The following TET3 variants were observed in gnomAD, a reference collection of about 807,000 sequenced individuals.
The protein encoded by TET3 is methylcytosine dioxygenase TET3.
In TET3, 19 loss-of-function variants were observed where a neutral mutation model predicts 141.4. That is an observed-to-expected ratio of 0.13 (90% confidence interval 0.09 to 0.20). TET3 has a LOEUF of 0.20. Among genes scored for constraint, TET3 ranks in the 10% least tolerant of loss-of-function variants. The probability of loss-of-function intolerance (pLI) is 1.00; values close to 1 mark genes in which losing one functional copy is unlikely to be tolerated. For synonymous variants in TET3, 1,043 were observed against 980.9 expected (o/e 1.06, Z -1.18); for missense variants, 1,874 against 2,356.9 (o/e 0.80, Z 4.24).
Position 74,089,939 on chromosome 2 carries a change from T to C in TET3, c.2931T>C (p.Gly977=). The C allele has an allele frequency of 6.2e-7, 1 of 1,614,066 alleles. No homozygotes were observed. The highest frequency in any genetic ancestry group is 8.5e-7 in the Non-Finnish European group (1 of 1,179,900). The change falls in exon 8 of 12, where the codon GGT becomes GGC. Residue 977 remains glycine, a synonymous_variant. Coordinates refer to ENST00000409262, the MANE Select transcript of TET3 (RefSeq NM_001287491.2). The stretch of plus-strand genomic sequence containing the variant: ...AAGGCAAAGACCCCAACACCTGTGG[T>C]GCCTCCTTCTCCTTTGGTTGTTCCT... The part of the protein sequence containing the change: ...ACQGKDPNTC[G]ASFSFGCSWS...
chr2:74,059,699 A>G (rs1331665719), intron 4 of TET3, among the ~76,000 whole-genome samples: 1 of 152,070 alleles, frequency 6.6e-6, no homozygotes, highest in Non-Finnish European at 1.5e-5. Flanking sequence ...GGCACATGCC[A>G]CTGTGCCTGG....
intron 10 of TET3, among the ~76,000 whole-genome samples, chr2:74,096,042 C>T (rs1467448049): frequency 2.6e-5 from 4 of 152,196 alleles, no homozygotes; most frequent in Admixed American, 2.6e-4. Context: ...TGAATTTCAT[C>T]TTTGCGACTA....
chr2:74,057,361 G>A (rs1460338662), intron 4 of TET3, among the ~76,000 whole-genome samples: 7 of 152,166 alleles, frequency 4.6e-5, no homozygotes, highest in Non-Finnish European at 5.9e-5. Context: ...AAAGGGCTTG[G>A]AGATGAAATT....
chr2:73,989,003 T>G (rs1038054889), intron 2 of TET3, among the ~76,000 whole-genome samples: 4 of 149,366 alleles, frequency 2.7e-5, no homozygotes, highest in Non-Finnish European at 5.9e-5. Flanking sequence ...TTTTTTGTTT[T>G]TTTTTTTTTT....
At chr2:74,112,090 T>C (rs1054585201), downstream of TET3, among the ~76,000 whole-genome samples, 2 of 152,212 alleles carry the variant, frequency 1.3e-5, no homozygotes, top group Non-Finnish European at 2.9e-5. Context: ...ATAATCTTTC[T>C]AAAAACCAAA....
intron 3 of TET3, 32 bp downstream of exon 3, chr2:74,003,198 G>C: frequency 7.1e-7 from 1 of 1,403,676 alleles, no homozygotes; most frequent in Non-Finnish European, 9.8e-7. Context: ...GTGTGTGTGC[G>C]TGTGTGTGGT....
rs775968675 is a variant in TET3 at position 74,046,424 on chromosome 2, G to T, written c.507G>T (p.Gly169=). The part of the protein sequence containing the change: ...AREPAGPSLL[G]TGGPWRVDQK... ...AGCCCGCTGGACCCAGTCTGCTGGGGACTGGGGGTCCTTGGCGGGTAGACC... is the reference window on the plus strand; with the variant it reads ...AGCCCGCTGGACCCAGTCTGCTGGGTACTGGGGGTCCTTGGCGGGTAGACC... Residue 169 remains glycine (G), a synonymous_variant, in exon 4 of 12, where the codon GGG becomes GGT. Transcript: ENST00000409262. This position sits in a 1 kb window ranked among gnomAD's most constrained non-coding sequence, Gnocchi z 4.3. 3.1e-6 allele frequency: 5 copies of T among 1,592,576 alleles called. No homozygotes were observed. The highest frequency in any genetic ancestry group is 4.3e-6 in the Non-Finnish European group (5 of 1,169,132).
In TET3 at chr2:74,104,364, A is replaced by T. The variant is rs1013536892; in HGVS notation, c.*2188A>T. 2.6e-5 allele frequency: 4 copies of T among 152,234 alleles called. No individual in the cohort carries two copies. Among genetic ancestry groups the T allele is most frequent in the Non-Finnish European group, 5.9e-5 (4 of 68,034 alleles). 9.4% of individuals were successfully genotyped at this position (152,234 alleles called of 1,614,324 possible). On this transcript the variant is annotated 3_prime_UTR_variant, in exon 12 of 12. Transcript: ENST00000409262. ...ATTTATAGGAAAACCTCTGACCTTCAGTTTGACAAGCTAAAGGAAGCAGAG... is the reference window on the plus strand; with the variant it reads ...ATTTATAGGAAAACCTCTGACCTTCTGTTTGACAAGCTAAAGGAAGCAGAG...
At chr2:73,999,794 C>T (rs1373655146) in intron 2 of TET3, among the ~76,000 whole-genome samples, 2 of 152,036 alleles carry the variant, frequency 1.3e-5, no homozygotes, top group Non-Finnish European at 2.9e-5. Context: ...AAGAGGGGAG[C>T]GGAGAGCATA....
chr2:74,038,468 C>T (rs941955908), intron 3 of TET3, among the ~76,000 whole-genome samples: 12 of 152,190 alleles, frequency 7.9e-5, no homozygotes, highest in African/African-American at 2.6e-4. Flanking sequence ...GAGGACCCAG[C>T]GAGGGCAGGG....
the TET3 span, chr2:74,122,511 A>ATATATT: frequency 1.7e-4 from 8 of 47,552 alleles, no homozygotes; most frequent in East Asian, 4.5e-3. Flanking sequence ...ATATATATAT[A>ATATATT]TTTTTTTTTT....
intron 4 of TET3, among the ~76,000 whole-genome samples, chr2:74,069,269 C>T (rs1336981680): frequency 6.6e-6 from 1 of 150,890 alleles, no homozygotes; most frequent in Admixed American, 6.6e-5. Context: ...TTATCTTTCC[C>T]TATTGATAGG....
chr2:74,007,937 A>G (rs977203151), intron 3 of TET3, among the ~76,000 whole-genome samples: 2 of 152,200 alleles, frequency 1.3e-5, no homozygotes, highest in African/African-American at 4.8e-5. Context: ...TCTGTGAGCC[A>G]TTCAGTGAGG....
Position 74,102,335 on chromosome 2 carries a change from A to G in TET3, c.*159A>G, listed in dbSNP as rs1691272858. 3.5e-6 allele frequency: 4 copies of G among 1,148,734 alleles called. No individual in the cohort carries two copies. Among genetic ancestry groups the G allele is most frequent in the African/African-American group, 1.6e-5 (1 of 62,694 alleles). The allele number at this position is 1,148,734 out of a possible 1,614,324, so 71.2% of individuals were successfully genotyped here. On this transcript the variant is annotated 3_prime_UTR_variant, in exon 12 of 12. Transcript: ENST00000409262. ...ATCATATATATGTATTTATGGTCCA[A>G]ACCTCAGAACTGACCCGCCCCTCCC...
the TET3 span, among the ~76,000 whole-genome samples, chr2:74,130,318 G>A: frequency 6.6e-6 from 1 of 152,214 alleles, no homozygotes; most frequent in Non-Finnish European, 1.5e-5. Flanking sequence ...CTTACCAGGA[G>A]CTAAGAAATG....
chr2:74,011,227 CAAAAA>C (rs34155044), intron 3 of TET3, among the ~76,000 whole-genome samples: 13 of 94,382 alleles, frequency 1.4e-4, no homozygotes, highest in Non-Finnish European at 1.9e-4. Flanking sequence ...GACTCCGTTT[CAAAAA>C]AAAAAAAAAA....
downstream of TET3, among the ~76,000 whole-genome samples, chr2:74,112,363 T>G (rs1691724542): frequency 6.6e-6 from 1 of 152,182 alleles, no homozygotes; most frequent in African/African-American, 2.4e-5. Context: ...ATTTACTTAT[T>G]TGCTTTTAAA....
chr2:74,077,573 G>T (rs1689578974), intron 5 of TET3, among the ~76,000 whole-genome samples: 1 of 152,230 alleles, frequency 6.6e-6, no homozygotes. Flanking sequence ...GAGCTAAAAT[G>T]AGAGTTGATT....
the TET3 span, chr2:74,120,637 C>G: frequency 6.6e-6 from 1 of 152,410 alleles, no homozygotes; most frequent in South Asian, 2.1e-4. Context: ...GCTCAGGAGG[C>G]AAGGGCGTGG....
Sources: gnomAD v4.1 joint callset for allele counts (sites outside exome capture counted in the v4.1 genomes callset) on GRCh38, gnomAD v4.1.1 for gene constraint, Gnocchi (gnomAD v3.1) non-coding constraint, MANE v1.5 for transcripts, NCBI Gene and HGNC (gene_info 2026-07-23, HGNC 2026-07-21) for gene names.